Variants in SCHIP1 observed in about 807,000 individuals in gnomAD.
The protein encoded by SCHIP1 is schwannomin interacting protein 1.
A neutral mutation model predicts 29.7 loss-of-function variants in SCHIP1; 8 were observed. The ratio of observed to expected loss-of-function variants is 0.27; its 90% CI spans 0.16 to 0.49. SCHIP1 has a LOEUF of 0.49. Among genes scored for constraint, SCHIP1 ranks in the 20% least tolerant of loss-of-function variants. The pLI is 0.99. For missense variants in SCHIP1, 193 were observed against 294.6 expected (o/e 0.66, Z 2.52); for synonymous variants, 76 against 94.9 (o/e 0.80, Z 1.16).
At chr3:159,321,331 A>T in the SCHIP1 span, among the ~76,000 whole-genome samples, 5 of 152,164 alleles carry the variant, frequency 3.3e-5, no homozygotes, top group African/African-American at 4.8e-5. Context: ...CCTCAACGAG[A>T]AGTTTCTCCT....
chr3:159,424,762 C>A, the SCHIP1 span, among the ~76,000 whole-genome samples: 26 of 152,104 alleles, frequency 1.7e-4, no homozygotes, highest in South Asian at 6.3e-4. Flanking sequence ...AGTTGAAATG[C>A]AGGAAAAAAT....
chr3:159,828,388 C>T, the SCHIP1 span, among the ~76,000 whole-genome samples: 10,707 of 65,268 alleles, frequency 0.16, 2,347 homozygotes, highest in African/African-American at 0.45. Context: ...TATATATATA[C>T]ATATATACGT....
At chr3:159,361,967 A>T in the SCHIP1 span, among the ~76,000 whole-genome samples, 7 of 152,194 alleles carry the variant, frequency 4.6e-5, no homozygotes, top group African/African-American at 1.7e-4. Flanking sequence ...CATTTGGGTT[A>T]TATCTGGAGT....
the SCHIP1 span, among the ~76,000 whole-genome samples, chr3:159,626,144 CTAGA>C: frequency 8.0e-4 from 61 of 75,850 alleles, no homozygotes; most frequent in African/African-American, 5.1e-3. Flanking sequence ...ATAGATATAT[CTAGA>C]TATATATATA....
At chr3:159,696,274 C>G in the SCHIP1 span, among the ~76,000 whole-genome samples, 1 of 152,160 alleles carries the variant, frequency 6.6e-6, no homozygotes, top group Non-Finnish European at 1.5e-5. Context: ...CAGTGTGTAG[C>G]TCCTGTAACC....
At chr3:159,643,748 T>C in the SCHIP1 span, among the ~76,000 whole-genome samples, 1 of 152,264 alleles carries the variant, frequency 6.6e-6, no homozygotes, top group African/African-American at 2.4e-5. Context: ...TTTTTTCCTA[T>C]GATCCACCTC....
At chr3:159,397,194 G>C in the SCHIP1 span, among the ~76,000 whole-genome samples, 2,618 of 151,506 alleles carry the variant, frequency 0.017, 88 homozygotes, top group African/African-American at 0.061. Flanking sequence ...GCACTTCTCT[G>C]TATTGGTTAT....
At chr3:159,713,423 T>C in the SCHIP1 span, among the ~76,000 whole-genome samples, 1 of 152,228 alleles carries the variant, frequency 6.6e-6, no homozygotes, top group South Asian at 2.1e-4. Flanking sequence ...CTCCAGTTCA[T>C]ATATGAATAA....
At chr3:159,535,067 T>C in the SCHIP1 span, among the ~76,000 whole-genome samples, 4 of 152,240 alleles carry the variant, frequency 2.6e-5, no homozygotes, top group Admixed American at 2.6e-4. Context: ...GAGTACAATA[T>C]TTAATTTAAC....
chr3:159,499,069 C>G, the SCHIP1 span, among the ~76,000 whole-genome samples: 1 of 152,306 alleles, frequency 6.6e-6, no homozygotes, highest in East Asian at 1.9e-4. Flanking sequence ...ATTTCAACCC[C>G]ACCCCCATTA....
chr3:159,524,526 A>G, the SCHIP1 span, among the ~76,000 whole-genome samples: 3 of 152,156 alleles, frequency 2.0e-5, no homozygotes, highest in African/African-American at 7.2e-5. Context: ...ATTCAAACCT[A>G]TCTCAGTAGA....
At chr3:159,504,062 A>G in the SCHIP1 span, among the ~76,000 whole-genome samples, 3 of 152,210 alleles carry the variant, frequency 2.0e-5, no homozygotes, top group Admixed American at 2.0e-4. Context: ...TATAAAAATG[A>G]CTATTCAGAT....
chr3:159,515,413 G>T, the SCHIP1 span, among the ~76,000 whole-genome samples: 3 of 152,136 alleles, frequency 2.0e-5, no homozygotes, highest in African/African-American at 7.2e-5. Flanking sequence ...AAGTCAGCAT[G>T]GTCCTGTTGG....
At chr3:159,611,148 T>A in the SCHIP1 span, among the ~76,000 whole-genome samples, 4 of 152,136 alleles carry the variant, frequency 2.6e-5, no homozygotes, top group South Asian at 2.1e-4. Context: ...GCAAAATGCT[T>A]CTTCCTATTA....
the SCHIP1 span, among the ~76,000 whole-genome samples, chr3:159,703,121 G>A: frequency 1.3e-5 from 2 of 152,150 alleles, no homozygotes; most frequent in African/African-American, 4.8e-5. Flanking sequence ...TAATTCAGCC[G>A]AGTGATTAGA....
chr3:159,473,088 G>C, the SCHIP1 span, among the ~76,000 whole-genome samples: 5 of 152,126 alleles, frequency 3.3e-5, no homozygotes, highest in Admixed American at 2.6e-4. Flanking sequence ...AAAAAGTACA[G>C]ACTGCCCAGA....
At chr3:159,314,734 C>A in the SCHIP1 span, among the ~76,000 whole-genome samples, 2 of 152,150 alleles carry the variant, frequency 1.3e-5, no homozygotes, top group Admixed American at 6.5e-5. Context: ...TGGTACTGAG[C>A]CTACCTATGG....
chr3:159,668,107 C>T, the SCHIP1 span, among the ~76,000 whole-genome samples: 1 of 152,152 alleles, frequency 6.6e-6, no homozygotes, highest in Admixed American at 6.5e-5. Flanking sequence ...CAGTGGCTCA[C>T]GCCTGTAATC....
At chr3:159,615,121 C>G in the SCHIP1 span, among the ~76,000 whole-genome samples, 2 of 152,130 alleles carry the variant, frequency 1.3e-5, no homozygotes, top group Non-Finnish European at 2.9e-5. Context: ...AGCCCAAGAA[C>G]GGGGTAGAGG....
Sources: allele counts gnomAD v4.1 joint callset (sites outside exome capture counted in the v4.1 genomes callset), GRCh38; gene constraint gnomAD v4.1.1; transcripts MANE v1.5; gene names NCBI Gene and HGNC (gene_info 2026-07-23, HGNC 2026-07-21).